The following SNX30 variants were observed in gnomAD, a reference collection of about 807,000 sequenced individuals.
The protein encoded by SNX30 is sorting nexin-30.
A neutral mutation model predicts 46.4 loss-of-function variants in SNX30; 24 were observed. The ratio of observed to expected loss-of-function variants is 0.52; its 90% confidence interval spans 0.37 to 0.73. The LOEUF is 0.73. Among genes scored for constraint, SNX30 ranks in the 30% least tolerant of loss-of-function variants. The probability of loss-of-function intolerance (pLI) is 0.00; values close to 1 mark genes in which losing one functional copy is unlikely to be tolerated. For synonymous variants in SNX30, 189 were observed against 211.5 expected (o/e 0.89, Z 0.92); for missense variants, 533 against 555.7 (o/e 0.96, Z 0.41).
intron 7 of SNX30, among the ~76,000 whole-genome samples, chr9:112,857,052 G>A (rs559861417): frequency 2.0e-5 from 3 of 152,322 alleles, no homozygotes; most frequent in South Asian, 2.1e-4. Flanking sequence ...CCCAGGGCGC[G>A]GGCCCCAGCA....
At chr9:112,849,268 T>G (rs1236205410) in intron 6 of SNX30, among the ~76,000 whole-genome samples, 1 of 152,228 alleles carries the variant, frequency 6.6e-6, no homozygotes, top group Non-Finnish European at 1.5e-5. Context: ...CAAAGGACTC[T>G]TTTTTACTTT....
At chr9:112,864,886 C>T (rs982141691) in intron 8 of SNX30, among the ~76,000 whole-genome samples, 1 of 151,976 alleles carries the variant, frequency 6.6e-6, no homozygotes, top group South Asian at 2.1e-4. Flanking sequence ...ATTTTAAATA[C>T]GTAAAATAAA....
chr9:112,806,386 A>AC (rs900403882), intron 2 of SNX30, among the ~76,000 whole-genome samples: 1 of 151,306 alleles, frequency 6.6e-6, no homozygotes, highest in Non-Finnish European at 1.5e-5. Flanking sequence ...TTGGTACCCC[A>AC]CCCCCACCAA....
At chr9:112,833,744 A>T (rs1237254549) in intron 4 of SNX30, among the ~76,000 whole-genome samples, 2 of 152,206 alleles carry the variant, frequency 1.3e-5, no homozygotes, top group Non-Finnish European at 2.9e-5. Context: ...CCACTCGTAA[A>T]AACGCTGTCT....
chr9:112,786,265 G>A (rs989436411), intron 1 of SNX30, among the ~76,000 whole-genome samples: 2 of 151,934 alleles, frequency 1.3e-5, no homozygotes, highest in Admixed American at 1.3e-4. Flanking sequence ...CTATAGCCGT[G>A]CACCATCACG....
At chr9:112,848,960 T>A (rs1428619910) in intron 6 of SNX30, among the ~76,000 whole-genome samples, 1 of 152,222 alleles carries the variant, frequency 6.6e-6, no homozygotes. Context: ...TCCAGGGCAT[T>A]GTCTTAACAG....
At position 112,850,803 on chromosome 9, in the gene SNX30, TGGGAGGCC is replaced by T. The variant is rs750829971; in HGVS notation, c.1015-55_1015-48del. ...GGGAAAAGAAGCAATTGCCTGGGGG[TGGGAGGCC>T]CCTTTGTGGACTCAGTGTTACATGC... On this transcript the variant is annotated intron_variant, in intron 6 of 8. Coordinates refer to ENST00000374232, the MANE Select transcript of SNX30 (RefSeq NM_001012994.2). The T allele has an allele frequency of 3.2e-4, 433 of 1,337,084 alleles. 1 individual carries two copies. In the Middle Eastern group the frequency reaches 5.3e-3, roughly 16 times the overall value. The allele number at this position is 1,337,084 out of a possible 1,614,324, so 82.8% of individuals were successfully genotyped here.
chr9:112,838,168 G>T (rs949538090), intron 5 of SNX30, among the ~76,000 whole-genome samples: 1 of 152,096 alleles, frequency 6.6e-6, no homozygotes, highest in Non-Finnish European at 1.5e-5. Flanking sequence ...GGGATTACAG[G>T]TATGAGCCAC....
At chr9:112,764,066 T>C (rs888489718) in intron 1 of SNX30, among the ~76,000 whole-genome samples, 1 of 152,128 alleles carries the variant, frequency 6.6e-6, no homozygotes, top group African/African-American at 2.4e-5. Flanking sequence ...ATGTAGATGA[T>C]GAAAGTTATG....
chr9:112,775,545 TG>T (rs1839732298), intron 1 of SNX30, among the ~76,000 whole-genome samples: 100 of 64,428 alleles, frequency 1.6e-3, no homozygotes, highest in Middle Eastern at 6.3e-3. Flanking sequence ...TTTAAATTTG[TG>T]TGTGTGTGTG....
At chr9:112,814,565 C>T (rs957504424) in intron 2 of SNX30, among the ~76,000 whole-genome samples, 1 of 152,026 alleles carries the variant, frequency 6.6e-6, no homozygotes, top group East Asian at 1.9e-4. Context: ...TAAAAAGACC[C>T]CTGATAAAAG....
chr9:112,826,262 G>T (rs1327097078), intron 3 of SNX30, among the ~76,000 whole-genome samples: 1 of 152,126 alleles, frequency 6.6e-6, no homozygotes, highest in East Asian at 1.9e-4. Flanking sequence ...GCACTGGGTG[G>T]GGATAGGGCA....
rs368120822 is a variant in SNX30 at position 112,804,793 on chromosome 9, C to T, written c.174C>T (p.Asn58=). ...TCTTTTAGGATCTCATTTTGCCCAA[C>T]GGTGGTACTCCAGCAGGTACTTCAA... is the stretch of plus-strand genomic sequence containing the variant. ...SFGDKDLILP[N]GGTPAGTSSP... Residue 58 remains asparagine (N), a synonymous_variant, in exon 2 of 9, where the codon AAC becomes AAT. Transcript: ENST00000374232. 21 of 1,609,392 alleles carry T rather than the reference C, an allele frequency of 1.3e-5. No individual in the cohort carries two copies. The highest frequency in any genetic ancestry group is 1.7e-4 in the Middle Eastern group (1 of 6,058).
At chr9:112,843,378 G>A (rs1588135623) in intron 6 of SNX30, among the ~76,000 whole-genome samples, 2 of 152,106 alleles carry the variant, frequency 1.3e-5, no homozygotes, top group South Asian at 2.1e-4. Flanking sequence ...AGTAAGAGTA[G>A]GTTGTAAGGG....
At chr9:112,755,993 A>G (rs1474454495) in intron 1 of SNX30, among the ~76,000 whole-genome samples, 1 of 152,188 alleles carries the variant, frequency 6.6e-6, no homozygotes, top group African/African-American at 2.4e-5. Context: ...TCAGGTACTT[A>G]TCTTTGGAAT....
At chr9:112,750,202 A>T (rs1839241904), upstream of SNX30, among the ~76,000 whole-genome samples, 1 of 152,214 alleles carries the variant, frequency 6.6e-6, no homozygotes, top group Admixed American at 6.5e-5. Flanking sequence ...CAGCTGCAGA[A>T]GCAAGCCACA....
chr9:112,815,575 G>A (rs1840384159), intron 2 of SNX30, among the ~76,000 whole-genome samples: 1 of 152,130 alleles, frequency 6.6e-6, no homozygotes, highest in South Asian at 2.1e-4. Flanking sequence ...TGGCCAGGCT[G>A]ATCTTGAACT....
intron 3 of SNX30, among the ~76,000 whole-genome samples, chr9:112,818,539 A>G (rs974225890): frequency 6.6e-6 from 1 of 152,166 alleles, no homozygotes; most frequent in Admixed American, 6.6e-5. Context: ...CTCAACATTT[A>G]TATTGAGTAC....
At chr9:112,806,561 G>A (rs1349776224) in intron 2 of SNX30, among the ~76,000 whole-genome samples, 1 of 151,822 alleles carries the variant, frequency 6.6e-6, no homozygotes, top group Non-Finnish European at 1.5e-5. Flanking sequence ...TGAAAGTTTT[G>A]TAAGTTCTGT....
Sources: gnomAD v4.1 joint callset for allele counts (sites outside exome capture counted in the v4.1 genomes callset) on GRCh38, gnomAD v4.1.1 for gene constraint, MANE v1.5 for transcripts, NCBI Gene and HGNC (gene_info 2026-07-23, HGNC 2026-07-21) for gene names.